ZNF385D: variants seen among roughly 807,000 people sequenced by gnomAD.
ZNF385D encodes zinc finger protein 385D.
A neutral mutation model predicts 35.8 loss-of-function variants in ZNF385D; 15 were observed. The observed-to-expected ratio is 0.42, with a 90% confidence interval of 0.28 to 0.64. The LOEUF is 0.64. Among genes scored for constraint, ZNF385D ranks in the 30% least tolerant of loss-of-function variants. ZNF385D has a pLI of 0.23. For missense variants in ZNF385D, 474 were observed against 494.6 expected (o/e 0.96, Z 0.39); for synonymous variants, 212 against 186.8 (o/e 1.13, Z -1.10).
chr3:22,169,535 T>G (rs1706548146), intron 2 of ZNF385D, among the ~76,000 whole-genome samples: 1 of 150,230 alleles, frequency 6.7e-6, no homozygotes, highest in African/African-American at 2.5e-5. Context: ...TTAAGTAAAG[T>G]GACTTACATC....
chr3:21,933,242 T>G lies in ZNF385D; in HGVS notation c.325+235575A>C, dbSNP rs78272426. Among the ~76,000 whole-genome samples the G allele has an allele frequency of 8.4e-3, 1,283 of 152,354 alleles. 38 individuals are homozygous for G. Among genetic ancestry groups the G allele is most frequent in the Admixed American group, 0.061 (932 of 15,308 alleles). On this transcript the variant is annotated intron_variant, in intron 3 of 5. Coordinates refer to the ZNF385D transcript ENST00000494108. ...GCTTTTTCTCTTTTCCCTCCACACC[T>G]GAATCTTCTCTAGATCTGTGAAATT...
intron 3 of ZNF385D, among the ~76,000 whole-genome samples, chr3:22,118,464 C>A (rs1702920232): frequency 6.6e-6 from 1 of 152,056 alleles, no homozygotes; most frequent in Non-Finnish European, 1.5e-5. Context: ...ATGGTTGCTG[C>A]ATATAGTTTT....
chr3:21,458,378 A>G (rs1702956479), intron 4 of ZNF385D, among the ~76,000 whole-genome samples: 2 of 151,270 alleles, frequency 1.3e-5, no homozygotes, highest in Non-Finnish European at 2.9e-5. Context: ...GCTACTTGGG[A>G]GGCTGAGGTA....
chr3:21,732,030 GTTTTTTTTTTTTTTTT>G (rs1214143626), intron 1 of ZNF385D, among the ~76,000 whole-genome samples: 1 of 37,368 alleles, frequency 2.7e-5, no homozygotes. Flanking sequence ...TTTTTTCGGG[GTTTTTTTTTTTTTTTT>G]TTTTTTTTTT....
At chr3:21,654,807 A>G (rs2066024662) in intron 2 of ZNF385D, among the ~76,000 whole-genome samples, 1 of 152,072 alleles carries the variant, frequency 6.6e-6, no homozygotes, top group Non-Finnish European at 1.5e-5. Context: ...TCCATTAAAC[A>G]GTTCTCAGAT....
chr3:22,324,720 A>G (rs1323503415), intron 2 of ZNF385D, among the ~76,000 whole-genome samples: 1 of 152,226 alleles, frequency 6.6e-6, no homozygotes, highest in Non-Finnish European at 1.5e-5. Context: ...GGAAAGATAC[A>G]GCATTTTGAA....
At chr3:21,589,630 G>A (rs2063911351) in intron 2 of ZNF385D, among the ~76,000 whole-genome samples, 1 of 151,898 alleles carries the variant, frequency 6.6e-6, no homozygotes, top group Admixed American at 6.6e-5. Context: ...TATGACAAAG[G>A]ATTAATATCC....
chr3:21,918,130 A>T (rs1260137050), intron 3 of ZNF385D, among the ~76,000 whole-genome samples: 1 of 152,220 alleles, frequency 6.6e-6, no homozygotes, highest in African/African-American at 2.4e-5. Context: ...CTAGGCACTA[A>T]ATCAATGTTT....
At chr3:21,714,575 A>G (rs1294275421) in intron 1 of ZNF385D, among the ~76,000 whole-genome samples, 1 of 151,364 alleles carries the variant, frequency 6.6e-6, no homozygotes, top group African/African-American at 2.4e-5. Context: ...CACAGACACC[A>G]CTCTTCTACT....
intron 3 of ZNF385D, among the ~76,000 whole-genome samples, chr3:21,956,083 G>C (rs1198408007): frequency 6.6e-6 from 1 of 151,960 alleles, no homozygotes; most frequent in African/African-American, 2.4e-5. Context: ...GTACTCAAGA[G>C]GCTGAGGTGA....
intron 2 of ZNF385D, among the ~76,000 whole-genome samples, chr3:22,268,602 G>C (rs1220464666): frequency 1.3e-5 from 2 of 152,054 alleles, no homozygotes; most frequent in Non-Finnish European, 2.9e-5. Context: ...TAAAATTTTA[G>C]TTGCAAGATA....
At chr3:21,665,851 A>G (rs2066390065) in intron 1 of ZNF385D, among the ~76,000 whole-genome samples, 1 of 152,224 alleles carries the variant, frequency 6.6e-6, no homozygotes, top group Non-Finnish European at 1.5e-5. Flanking sequence ...TCAGTCTCCC[A>G]TATTTTGGTA....
At chr3:22,285,291 CTT>C (rs1701967961) in intron 2 of ZNF385D, among the ~76,000 whole-genome samples, 1 of 152,134 alleles carries the variant, frequency 6.6e-6, no homozygotes, top group South Asian at 2.1e-4. Flanking sequence ...TCCTTTCTGT[CTT>C]TAACTTCATG....
intron 5 of ZNF385D, among the ~76,000 whole-genome samples, chr3:21,434,240 C>T (rs1559444092): frequency 6.6e-6 from 1 of 152,072 alleles, no homozygotes; most frequent in Non-Finnish European, 1.5e-5. Context: ...GTTTGGGCTG[C>T]CTTCCTTTCC....
At chr3:22,090,453 T>G (rs1353960321) in intron 3 of ZNF385D, among the ~76,000 whole-genome samples, 4 of 151,898 alleles carry the variant, frequency 2.6e-5, no homozygotes, top group Admixed American at 2.6e-4. Flanking sequence ...ATGATTATTA[T>G]AAGGAGCATG....
chr3:22,198,146 G>A (rs894128295), intron 2 of ZNF385D, among the ~76,000 whole-genome samples: 1 of 151,986 alleles, frequency 6.6e-6, no homozygotes, highest in African/African-American at 2.4e-5. Context: ...CAGTAATGCG[G>A]TTATGAGAAT....
chr3:21,425,395 G>A, intron 6 of ZNF385D, 97 bp downstream of exon 6: 1 of 1,311,122 alleles, frequency 7.6e-7, no homozygotes, highest in Non-Finnish European at 1.0e-6. Context: ...TGGGTGAATG[G>A]GACAGAAAGA....
intron 3 of ZNF385D, among the ~76,000 whole-genome samples, chr3:21,862,125 G>C (rs1012546726): frequency 6.6e-6 from 1 of 152,036 alleles, no homozygotes; most frequent in Non-Finnish European, 1.5e-5. Context: ...AAACAGCCGA[G>C]TACCTTGCTT....
chr3:22,078,741 G>C (rs1223797205), intron 3 of ZNF385D, among the ~76,000 whole-genome samples: 1 of 151,994 alleles, frequency 6.6e-6, no homozygotes, highest in East Asian at 1.9e-4. Flanking sequence ...GCAAGTTGCA[G>C]AAGTAAATGT....
Sources: allele counts gnomAD v4.1 joint callset (sites outside exome capture counted in the v4.1 genomes callset), GRCh38; gene constraint gnomAD v4.1.1; transcripts MANE v1.5; gene names NCBI Gene and HGNC (gene_info 2026-07-23, HGNC 2026-07-21).